RPAP2: variants seen among roughly 807,000 people sequenced by gnomAD.
RPAP2 encodes RNA polymerase II associated protein 2.
In RPAP2, 52 loss-of-function variants were observed where a neutral mutation model predicts 73.1. The observed-to-expected ratio is 0.71, with a 90% CI of 0.57 to 0.90. RPAP2 has a LOEUF of 0.90. Among genes scored for constraint, RPAP2 ranks in the 40% least tolerant of loss-of-function variants. The pLI, the probability that RPAP2 is intolerant of heterozygous loss-of-function variation, is 0.00. For missense variants in RPAP2, 598 were observed against 701.8 expected, an observed-to-expected ratio of 0.85 and a Z score of 1.67; for synonymous variants, 225 against 242.1, an observed-to-expected ratio of 0.93 and a Z score of 0.65.
intron 7 of RPAP2, among the ~76,000 whole-genome samples, chr1:92,321,804 C>A (rs1652279271): frequency 6.6e-6 from 1 of 151,924 alleles, no homozygotes; most frequent in Non-Finnish European, 1.5e-5. Context: ...GATTTTCATT[C>A]TGTAGAATTT....
At chr1:92,344,309 G>A (rs1200090699) in intron 10 of RPAP2, among the ~76,000 whole-genome samples, 2 of 152,092 alleles carry the variant, frequency 1.3e-5, no homozygotes, top group Non-Finnish European at 2.9e-5. Flanking sequence ...GGAGGCTGAG[G>A]CAGAAGAATT....
At chr1:92,316,367 A>G (rs1033625909) in intron 6 of RPAP2, among the ~76,000 whole-genome samples, 1 of 152,188 alleles carries the variant, frequency 6.6e-6, no homozygotes, top group Non-Finnish European at 1.5e-5. Context: ...AGGGTTTGAC[A>G]TGTCTCAAAA....
intron 11 of RPAP2, among the ~76,000 whole-genome samples, chr1:92,347,673 T>C (rs978043962): frequency 6.6e-6 from 1 of 152,218 alleles, no homozygotes; most frequent in Non-Finnish European, 1.5e-5. Context: ...GATTATTCTA[T>C]ACAAAAGTAA....
In RPAP2 at chr1:92,304,083, A is replaced by G. The variant is rs757687131; in HGVS notation, c.333+8A>G. 1 of 1,573,024 alleles carries G rather than the reference A, an allele frequency of 6.4e-7. No individual in the cohort carries two copies. The highest frequency in any genetic ancestry group is 1.8e-5 in the Admixed American group (1 of 54,496). ...CAGAAGAAGCTGGGAATTGTAAGTAACTCATTTTTTTTAAAATATAGGCTT... is the reference window on the plus strand; with the variant it reads ...CAGAAGAAGCTGGGAATTGTAAGTAGCTCATTTTTTTTAAAATATAGGCTT... On this transcript the variant is annotated splice_region_variant and intron_variant, in intron 4 of 12. Coordinates refer to ENST00000610020, the MANE Select transcript of RPAP2 (RefSeq NM_024813.3).
rs1158921940 is a variant in RPAP2, at chr1:92,300,189, T to C, written c.74-5T>C. Reference sequence around the variant, plus strand: ...ATGTAGCACATGACTGTATTTTTATTGTAGGTACTAAACAGACAAGTACTT... The same window carrying C: ...ATGTAGCACATGACTGTATTTTTATCGTAGGTACTAAACAGACAAGTACTT... On this transcript the variant is annotated splice_polypyrimidine_tract_variant and splice_region_variant and intron_variant, in intron 1 of 12. Coordinates refer to ENST00000610020, the MANE Select transcript of RPAP2 (RefSeq NM_024813.3). 6.2e-7 allele frequency: 1 copy of C among 1,602,118 alleles called. No individual in the cohort carries two copies. The highest frequency in any genetic ancestry group is 1.3e-5 in the African/African-American group (1 of 74,436).
At chr1:92,319,155 C>T (rs958761016) in intron 6 of RPAP2, among the ~76,000 whole-genome samples, 1 of 152,166 alleles carries the variant, frequency 6.6e-6, no homozygotes, top group African/African-American at 2.4e-5. Flanking sequence ...ATAAGCCCAG[C>T]TGAAATGACA....
At position 92,357,120 on chromosome 1, in the gene RPAP2, CAA is replaced by C. The variant is rs1553154384; in HGVS notation, c.1688+11208_1688+11209del. 6.7e-5 allele frequency among the ~76,000 whole-genome samples: 10 copies of C among 149,642 alleles called. No homozygotes were observed. The South Asian group carries it at 1.7e-3, about 25-fold the overall frequency. On this transcript the variant is annotated intron_variant, in intron 11 of 12. Transcript: ENST00000610020. Reference sequence around the variant, plus strand: ...ACACACACACACACACACACACACACAAACAGATGTTTATTGAGCAATGCTAT... The same window carrying C: ...ACACACACACACACACACACACACACACAGATGTTTATTGAGCAATGCTAT...
chr1:92,322,006 C>T (rs1246574141), intron 7 of RPAP2, among the ~76,000 whole-genome samples: 1 of 145,130 alleles, frequency 6.9e-6, no homozygotes, highest in East Asian at 2.1e-4. Context: ...AATGCAGTGG[C>T]GCGATCTCGG....
rs1485214823 is a variant in RPAP2 at position 92,392,407 on chromosome 1, G to A, written c.*5396G>A. On this transcript the variant is annotated 3_prime_UTR_variant, in exon 13 of 13. Transcript: ENST00000610020. ...CTCAATATAATAAGAGGTTATTTAT[G>A]ACAAACCCACAGCCAATAGCATACT... is the stretch of plus-strand genomic sequence containing the variant. The A allele has an allele frequency of 6.6e-6, 1 of 152,132 alleles. No homozygotes were observed. Among genetic ancestry groups the A allele is most frequent in the African/African-American group, 2.4e-5 (1 of 41,418 alleles). The allele number at this position is 152,132 out of a possible 1,614,324, so 9.4% of individuals were successfully genotyped here.
Position 92,323,494 on chromosome 1 carries a change from T to A in RPAP2, c.574T>A (p.Ser192Thr). ...VQLCSKAIKT[S>T]DIDNPSHFEK... ...GTTATGCAGTAAAGCCATTAAAACATCAGATATCGACAATCCTAGCCACTT... is the reference window on the plus strand; with the variant it reads ...GTTATGCAGTAAAGCCATTAAAACAACAGATATCGACAATCCTAGCCACTT... The change falls in exon 8 of 13, where the codon TCA becomes ACA. Residue 192 changes from serine to threonine, a missense_variant. This residue lies in a region of RPAP2 where 506 missense variants were observed against 612.8 expected (regional missense o/e 0.83). Transcript: ENST00000610020. 1 of 1,613,334 alleles carries A rather than the reference T, an allele frequency of 6.2e-7. No homozygotes were observed. Among genetic ancestry groups the A allele is most frequent in the East Asian group, 2.2e-5 (1 of 44,838 alleles).
rs1432331867 is a variant in RPAP2, at chr1:92,397,214, C to T, written c.*10203C>T. The T allele has an allele frequency of 4.6e-5, 7 of 152,064 alleles. No individual in the cohort carries two copies. In the East Asian group the frequency reaches 1.4e-3, roughly 30 times the overall value. The allele number at this position is 152,064 out of a possible 1,614,324, so 9.4% of individuals were successfully genotyped here. On this transcript the variant is annotated 3_prime_UTR_variant, in exon 13 of 13. Coordinates refer to ENST00000610020, the MANE Select transcript of RPAP2 (RefSeq NM_024813.3). ...GACCAACTTGGGCAACATAGCAAAA[C>T]CCTGTCTCCACCAAAAATAAAAAAA...
At chr1:92,315,863 G>C (rs1464281334) in intron 6 of RPAP2, among the ~76,000 whole-genome samples, 1 of 152,142 alleles carries the variant, frequency 6.6e-6, no homozygotes, top group Non-Finnish European at 1.5e-5. Context: ...TACCCTGTTA[G>C]AGACAAAACA....
intron 9 of RPAP2, among the ~76,000 whole-genome samples, chr1:92,333,912 T>G (rs1653120965): frequency 6.6e-6 from 1 of 152,372 alleles, no homozygotes; most frequent in South Asian, 2.1e-4. Context: ...CTCAGCAACA[T>G]GAGTTTTTGT....
chr1:92,305,416 G>C (rs1056729280), intron 5 of RPAP2, among the ~76,000 whole-genome samples: 5 of 73,572 alleles, frequency 6.8e-5, no homozygotes, highest in East Asian at 1.5e-3. Flanking sequence ...CGGGGCAACA[G>C]AGTGAGGCTC....
intron 8 of RPAP2, among the ~76,000 whole-genome samples, chr1:92,326,452 T>G (rs1358588910): frequency 6.6e-6 from 1 of 152,094 alleles, no homozygotes; most frequent in Non-Finnish European, 1.5e-5. Context: ...TGCCAGAAGG[T>G]GGCACTTTCA....
chr1:92,373,770 A>T lies in RPAP2; in HGVS notation c.1689-6954A>T, dbSNP rs914474600. ...AAAAAAAAAAAAAAAAAAAAAAAAA[A>T]GTAGCCAGGCGTGGTGGTGGCGCAC... On this transcript the variant is annotated intron_variant, in intron 11 of 12. Transcript: ENST00000610020. 8.7e-4 allele frequency among the ~76,000 whole-genome samples: 120 copies of T among 138,396 alleles called. No homozygotes were observed. In the Middle Eastern group the frequency reaches 0.011, roughly 13 times the overall value. 90.8% of individuals were successfully genotyped at this position (138,396 alleles called of 152,430 possible).
In RPAP2 at chr1:92,309,070, C is replaced by T. The variant is rs549733759; in HGVS notation, c.488+1794C>T. Among the ~76,000 whole-genome samples the T allele has an allele frequency of 2.0e-5, 3 of 152,180 alleles. No homozygotes were observed. The South Asian group carries it at 6.2e-4, about 32-fold the overall frequency. On this transcript the variant is annotated intron_variant, in intron 6 of 12. Transcript: ENST00000610020. The stretch of plus-strand genomic sequence containing the variant: ...CTCACTGTTTCCCAAAACTTGAAGC[C>T]CTTTTACTTTATATTTGCAGTTCTT...
intron 2 of RPAP2, 84 bp downstream of exon 2, chr1:92,300,323 C>CT (rs565648906): frequency 0.065 from 50,813 of 776,008 alleles, no homozygotes; most frequent in East Asian, 0.086. Flanking sequence ...TAATGGTTAC[C>CT]TTTTTTTTTT....
intron 2 of RPAP2, among the ~76,000 whole-genome samples, chr1:92,300,729 T>A (rs757255687): frequency 6.6e-6 from 1 of 152,196 alleles, no homozygotes; most frequent in Non-Finnish European, 1.5e-5. Flanking sequence ...GTAGCTATGA[T>A]TTTTATTTTG....
Sources: gnomAD v4.1 joint callset for allele counts (sites outside exome capture counted in the v4.1 genomes callset) on GRCh38, gnomAD v4.1.1 for gene constraint, gnomAD v4.1.1 regional missense constraint, MANE v1.5 for transcripts, NCBI Gene and HGNC (gene_info 2026-07-23, HGNC 2026-07-21) for gene names.